Variants in CNTN4 observed in about 807,000 individuals in gnomAD.
CNTN4 encodes contactin-4.
In CNTN4, 77 loss-of-function variants were observed where a neutral mutation model predicts 122.5. The ratio of observed to expected loss-of-function variants is 0.63; its 90% CI spans 0.52 to 0.76. CNTN4 has a LOEUF of 0.76. Ranked by LOEUF, CNTN4 falls within the 30% of genes least tolerant of loss-of-function variation. CNTN4 has a pLI of 0.00. For synonymous variants in CNTN4, 512 were observed against 447.0 expected (o/e 1.15, Z -1.83); for missense variants, 1,256 against 1,259.1 (o/e 1.00, Z 0.04).
intron 2 of CNTN4, among the ~76,000 whole-genome samples, chr3:2,317,693 G>C (rs2043151293): frequency 6.6e-6 from 1 of 152,176 alleles, no homozygotes. Flanking sequence ...TGCAGCTGCT[G>C]TGAAAGAAAT....
rs559150025 is a variant in CNTN4 at position 2,157,782 on chromosome 3, A to G, written c.-145+57143A>G. Among the ~76,000 whole-genome samples, 6 of 152,360 alleles carry G rather than the reference A, an allele frequency of 3.9e-5. No homozygotes were observed. In the East Asian group the frequency reaches 1.2e-3, roughly 29 times the overall value. ...AGTTTCAAATGAATGTTTTCAGTTT[A>G]TCTTGATGTTGCTCCTGACTTCAAA... On this transcript the variant is annotated intron_variant, in intron 2 of 24. Coordinates refer to ENST00000418658, the MANE Select transcript of CNTN4 (RefSeq NM_175607.3).
intron 3 of CNTN4, among the ~76,000 whole-genome samples, chr3:2,387,722 TA>T (rs1391405647): frequency 6.6e-6 from 1 of 152,226 alleles, no homozygotes; most frequent in African/African-American, 2.4e-5. Flanking sequence ...TTTCTTGTTT[TA>T]TTTTGCTGTT....
chr3:2,774,538 TCACTC>T (rs2091237200), intron 6 of CNTN4, among the ~76,000 whole-genome samples: 1 of 152,178 alleles, frequency 6.6e-6, no homozygotes, highest in Non-Finnish European at 1.5e-5. Flanking sequence ...TGGTTGCTCT[TCACTC>T]CATTAGCTCC....
At chr3:2,424,942 TAG>T (rs2047762595) in intron 3 of CNTN4, among the ~76,000 whole-genome samples, 1 of 152,230 alleles carries the variant, frequency 6.6e-6, no homozygotes, top group South Asian at 2.1e-4. Flanking sequence ...GTAAATTTGT[TAG>T]AGTTCTTTGT....
chr3:2,771,482 T>C (rs571053284), intron 6 of CNTN4, among the ~76,000 whole-genome samples: 2 of 152,346 alleles, frequency 1.3e-5, no homozygotes, highest in Admixed American at 1.3e-4. Context: ...CACTCCAATA[T>C]GTGACCTCTG....
intron 3 of CNTN4, among the ~76,000 whole-genome samples, chr3:2,492,437 G>A (rs1040067854): frequency 2.0e-5 from 3 of 152,104 alleles, no homozygotes; most frequent in African/African-American, 7.2e-5. Context: ...GACAACTGGG[G>A]CTCTAATTCA....
Position 3,037,197 on chromosome 3 carries a change from G to A in CNTN4, c.1961G>A (p.Gly654Glu). ...CTTTCAGTCCCAGAACTCATTGATG[G>A]GAAGACATTCACAGCGACCGTGGTG... The part of the protein sequence containing the change: ...AVSTVPELID[G>E]KTFTATVVGL... Residue 654 changes from glycine (G) to glutamate (E), a missense_variant, in exon 18 of 25, where the codon GGG (glycine) becomes GAG (glutamate). By Grantham distance (98) the Gly-to-Glu change is moderately conservative. Transcript: ENST00000418658. 6.2e-7 allele frequency: 1 copy of A among 1,614,206 alleles called. No individual in the cohort carries two copies. Among genetic ancestry groups the A allele is most frequent in the Non-Finnish European group, 8.5e-7 (1 of 1,180,036 alleles).
At chr3:2,362,763 G>A in intron 3 of CNTN4, 1 of 214,404 alleles carries the variant, frequency 4.7e-6, no homozygotes, top group South Asian at 6.9e-5. Flanking sequence ...ACTGACCAAG[G>A]ACCCTAGACC....
chr3:2,129,119 TAAAAC>T (rs1028798103), intron 2 of CNTN4, among the ~76,000 whole-genome samples: 144 of 152,138 alleles, frequency 9.5e-4, no homozygotes, highest in African/African-American at 3.3e-3. Context: ...GAAAAGAAAA[TAAAAC>T]AAAATTTCAC....
intron 2 of CNTN4, among the ~76,000 whole-genome samples, chr3:2,194,471 A>C (rs867216776): frequency 6.6e-6 from 1 of 152,152 alleles, no homozygotes; most frequent in African/African-American, 2.4e-5. Context: ...AACAGAAAAG[A>C]AAGGAAAGAA....
intron 13 of CNTN4, among the ~76,000 whole-genome samples, chr3:2,975,460 A>G (rs935389545): frequency 6.6e-5 from 10 of 152,226 alleles, no homozygotes; most frequent in Non-Finnish European, 2.9e-5. Flanking sequence ...AATCAGGATA[A>G]TGATACTCCT....
intron 3 of CNTN4, among the ~76,000 whole-genome samples, chr3:2,400,957 G>A (rs1156416491): frequency 6.7e-6 from 1 of 149,014 alleles, no homozygotes; most frequent in Non-Finnish European, 1.5e-5. Flanking sequence ...CTTCTTATAG[G>A]ATAGGTGTGT....
At chr3:3,054,105 C>G (rs905553035) in intron 24 of CNTN4, 130 bp downstream of exon 24, 22 of 965,750 alleles carry the variant, frequency 2.3e-5, no homozygotes, top group South Asian at 1.1e-4. Flanking sequence ...ACACTACCCC[C>G]CTTCTCCAGA....
chr3:2,657,920 A>C (rs2083670844), intron 4 of CNTN4, among the ~76,000 whole-genome samples: 1 of 151,356 alleles, frequency 6.6e-6, no homozygotes. Flanking sequence ...CTGACAAATT[A>C]TTCCGGCTTG....
rs550637725 is a variant in CNTN4 at position 2,551,101 on chromosome 3, TA to T, written c.-88-20305del. On this transcript the variant is annotated intron_variant, in intron 3 of 24. Transcript: ENST00000418658. ...ATGTATCCCAGAACTTAAAATATAA[TA>T]AAAAAAAAATGCCAGGCGTAAAGCA... Among the ~76,000 whole-genome samples the T allele has an allele frequency of 5.7e-3, 856 of 148,880 alleles. 4 individuals carry two copies. The highest frequency in any genetic ancestry group is 5.9e-3 in the Non-Finnish European group (394 of 66,956).
intron 2 of CNTN4, among the ~76,000 whole-genome samples, chr3:2,201,134 C>G (rs954374302): frequency 2.6e-5 from 4 of 152,012 alleles, no homozygotes; most frequent in Non-Finnish European, 4.4e-5. Context: ...GTCAAACACC[C>G]CACGCTACAC....
chr3:2,380,842 T>A (rs1175522303), intron 3 of CNTN4, among the ~76,000 whole-genome samples: 1 of 152,164 alleles, frequency 6.6e-6, no homozygotes, highest in Non-Finnish European at 1.5e-5. Context: ...TCAAAGATTG[T>A]TATTTTGTGA....
rs182703513 is a variant in CNTN4, at chr3:2,720,311, A to T, written c.56-15904A>T. Reference sequence around the variant, plus strand: ...TTATACTGCTTTTATACCCTATTAAATGCAGGTAGACATTACCTACCCTCT... The same window carrying T: ...TTATACTGCTTTTATACCCTATTAATTGCAGGTAGACATTACCTACCCTCT... On this transcript the variant is annotated intron_variant, in intron 4 of 24. Transcript: ENST00000418658. Among the ~76,000 whole-genome samples the T allele has an allele frequency of 1.3e-5, 2 of 152,320 alleles. 1 individual carries two copies. Among genetic ancestry groups the T allele is most frequent in the South Asian group, 4.1e-4 (2 of 4,826 alleles).
chr3:2,208,653 G>T (rs1303767219), intron 2 of CNTN4, among the ~76,000 whole-genome samples: 1 of 152,124 alleles, frequency 6.6e-6, no homozygotes, highest in East Asian at 1.9e-4. Context: ...AGCACCACAT[G>T]CTACAGAGAA....
Sources: allele counts gnomAD v4.1 joint callset (sites outside exome capture counted in the v4.1 genomes callset), GRCh38; gene constraint gnomAD v4.1.1; transcripts MANE v1.5; gene names NCBI Gene and HGNC (gene_info 2026-07-23, HGNC 2026-07-21).